Variants in EIF4G1 observed in about 807,000 individuals in gnomAD.
The protein encoded by EIF4G1 is eukaryotic translation initiation factor 4 gamma 1.
In EIF4G1, 4 loss-of-function variants were observed where a neutral mutation model predicts 187.8. The ratio of observed to expected loss-of-function variants is 0.02; its 90% CI spans 0.01 to 0.05. EIF4G1 has a LOEUF of 0.05. Ranked by LOEUF, EIF4G1 falls within the 10% of genes least tolerant of loss-of-function variation. EIF4G1 has a pLI of 1.00. For synonymous variants in EIF4G1, 844 were observed against 781.4 expected (o/e 1.08, Z -1.34); for missense variants, 1,647 against 2,081.1 (o/e 0.79, Z 4.06).
chr3:184,326,568 A>C lies in EIF4G1; in HGVS notation c.3264A>C (p.Gly1088=), dbSNP rs35656086. 7 of 1,613,208 alleles carry C rather than the reference A, an allele frequency of 4.3e-6. No individual in the cohort carries two copies. The African/African-American group carries it at 9.4e-5, about 22-fold the overall frequency. The change falls in exon 22 of 33, where the codon GGA becomes GGC. Residue 1088 remains glycine, a synonymous_variant. Transcript: ENST00000346169. Reference sequence around the variant, plus strand: ...CTAACAACCAGCTCTTTGCACCTGGAGGGCGACTGAGCTGGGGCAAGGGCA... The same window carrying C: ...CTAACAACCAGCTCTTTGCACCTGGCGGGCGACTGAGCTGGGGCAAGGGCA... ...IDSNNQLFAP[G]GRLSWGKGSS...
In EIF4G1 at chr3:184,335,031, A is replaced by G; in HGVS notation, c.*123A>G. The G allele has an allele frequency of 7.3e-7, 1 of 1,361,474 alleles. No individual in the cohort carries two copies. The highest frequency in any genetic ancestry group is 2.0e-5 in the Admixed American group (1 of 49,898). 84.3% of individuals were successfully genotyped at this position (1,361,474 alleles called of 1,614,324 possible). A position where few individuals can be genotyped will look rare whatever the true frequency, so the allele number is the denominator to read the frequency against. On this transcript the variant is annotated 3_prime_UTR_variant, in exon 33 of 33. Coordinates refer to ENST00000346169, the MANE Select transcript of EIF4G1 (RefSeq NM_198241.3). The stretch of plus-strand genomic sequence containing the variant: ...GGGTGCCTGTAGTGTGATGTGTCTG[A>G]ACTAATAAAGTGGCTGAAGAGGCAG...
intron 7 of EIF4G1, 40 bp from the exon 8 acceptor site, chr3:184,320,590 C>G (rs1193095189): frequency 6.2e-7 from 1 of 1,613,886 alleles, no homozygotes. Flanking sequence ...GAGGTGGGCT[C>G]TTCCTGCTTC....
At position 184,317,476 on chromosome 3, in the gene EIF4G1, G is replaced by A. The variant is rs1722994538; in HGVS notation, c.303G>A (p.Gly101=). 2.5e-6 allele frequency: 4 copies of A among 1,613,836 alleles called. No homozygotes were observed. Among genetic ancestry groups the A allele is most frequent in the Non-Finnish European group, 3.4e-6 (4 of 1,180,004 alleles). Residue 101 remains glycine, a synonymous_variant, in exon 5 of 33, where the codon GGG becomes GGA. Coordinates refer to ENST00000346169, the MANE Select transcript of EIF4G1 (RefSeq NM_198241.3). ...AGATCTCCTACCCAGCCTCCCAGGG[G>A]GCCTACTACATCCCTGGACAGGTGA... ...PSQISYPASQ[G]AYYIPGQGRS...
chr3:184,321,068 A>T, intron 9 of EIF4G1, 75 bp downstream of exon 9: 1 of 1,562,810 alleles, frequency 6.4e-7, no homozygotes, highest in Non-Finnish European at 8.7e-7. Flanking sequence ...TGGTGGAGTG[A>T]CTTGAACTGG....
At chr3:184,332,601 C>T (rs954566614) in intron 32 of EIF4G1, among the ~76,000 whole-genome samples, 2 of 151,846 alleles carry the variant, frequency 1.3e-5, no homozygotes, top group African/African-American at 4.8e-5. Context: ...GGAGTTAGTA[C>T]TGGCGTGAGC....
chr3:184,329,502 G>A lies in EIF4G1; in HGVS notation c.4161+512G>A, dbSNP rs1246169014. Among the ~76,000 whole-genome samples, 5 of 152,126 alleles carry A rather than the reference G, an allele frequency of 3.3e-5. No individual in the cohort carries two copies. The South Asian group carries it at 6.2e-4, about 19-fold the overall frequency. ...AAAAATTAGCCGTGTTGTGGCAGGT[G>A]CCTGTAATTCCACCTACTCAGGAGG... On this transcript the variant is annotated intron_variant, in intron 28 of 32. Coordinates refer to ENST00000346169, the MANE Select transcript of EIF4G1 (RefSeq NM_198241.3).
rs758322346 is a variant in EIF4G1 at position 184,331,275 on chromosome 3, A to C, written c.4171A>C (p.Lys1391Gln). The C allele has an allele frequency of 1.2e-6, 2 of 1,614,034 alleles. No individual in the cohort carries two copies. The highest frequency in any genetic ancestry group is 2.7e-5 in the African/African-American group (2 of 74,904). ...GTCTTGTGTTTTCCAGGGTCCTAAA[A>C]AGGTGGGGACGCTGTGGCGAGAAGC... ...GLLCKSMGPK[K>Q]VGTLWREAGL... is the part of the protein sequence containing the mutation. The change falls in exon 29 of 33, where the codon AAG (lysine) becomes CAG (glutamine). Residue 1391 changes from lysine to glutamine, a missense_variant. Physicochemically the swap from Lys to Gln is moderately conservative, Grantham distance 53 (BLOSUM62 1). Around this residue, in one of 11 missense-constraint regions of EIF4G1, gnomAD observed 543 missense variants for 638.0 expected, o/e 0.85. Coordinates refer to ENST00000346169, the MANE Select transcript of EIF4G1 (RefSeq NM_198241.3).
chr3:184,324,691 C>T (rs1307202106), intron 17 of EIF4G1, among the ~76,000 whole-genome samples, 187 bp from the exon 18 acceptor site: 2 of 152,210 alleles, frequency 1.3e-5, no homozygotes, highest in African/African-American at 4.8e-5. Context: ...CAAACTCCTC[C>T]TGACCTCAAG....
Position 184,325,796 on chromosome 3 carries a change from G to T in EIF4G1, c.3122-55G>T, listed in dbSNP as rs377248755. 6.4e-5 allele frequency: 103 copies of T among 1,612,530 alleles called. No homozygotes were observed. Among genetic ancestry groups the T allele is most frequent in the Non-Finnish European group, 8.2e-5 (97 of 1,178,662 alleles). On this transcript the variant is annotated intron_variant, in intron 20 of 32. Transcript: ENST00000346169. The surrounding 1 kb of genome is among the most constrained non-coding windows in gnomAD (Gnocchi z 5.2). ...AGGGAGGCTGGGGGTGGCCCAAGGG[G>T]AAGGGGCTGCTAGGATTTATTCATT...
intron 4 of EIF4G1, chr3:184,316,822 C>A: frequency 7.2e-7 from 1 of 1,395,160 alleles, no homozygotes; most frequent in Non-Finnish European, 9.9e-7. Flanking sequence ...GAATGGGGAT[C>A]TTCAGGGTAG....
At chr3:184,316,348 T>TC in intron 4 of EIF4G1, 130 bp downstream of exon 4, 1 of 1,221,930 alleles carries the variant, frequency 8.2e-7, no homozygotes, top group Middle Eastern at 2.8e-4. Flanking sequence ...TTCATGCGGC[T>TC]CTGCGCCTTG....
chr3:184,320,237 A>C (rs1260953910), intron 7 of EIF4G1: 2 of 1,209,142 alleles, frequency 1.7e-6, no homozygotes, highest in Middle Eastern at 3.6e-4. Flanking sequence ...CCGCTGAGTC[A>C]CCCTGGCTCC....
In EIF4G1 at chr3:184,321,514, A is replaced by G. The variant is rs751447583; in HGVS notation, c.930A>G (p.Pro310=). ...STPISRETGE[P]YRLSPEPTPL... Reference sequence around the variant, plus strand: ...CCATCTCCCGTGAAACTGGGGAGCCATATCGCCTCTCTCCAGAACCCACTC... The same window carrying G: ...CCATCTCCCGTGAAACTGGGGAGCCGTATCGCCTCTCTCCAGAACCCACTC... Residue 310 remains proline (P), a synonymous_variant, in exon 10 of 33, where the codon CCA becomes CCG. Transcript: ENST00000346169. The G allele has an allele frequency of 1.5e-5, 25 of 1,614,062 alleles. No homozygotes were observed. The highest frequency in any genetic ancestry group is 1.9e-5 in the Non-Finnish European group (23 of 1,180,046).
At chr3:184,321,018 T>C in intron 9 of EIF4G1, 25 bp downstream of exon 9, 1 of 1,611,652 alleles carries the variant, frequency 6.2e-7, no homozygotes, top group South Asian at 1.1e-5. Flanking sequence ...GGGACGGAGC[T>C]TTTATGGGGA....
chr3:184,317,874 C>A, intron 6 of EIF4G1, 58 bp downstream of exon 6: 1 of 1,292,378 alleles, frequency 7.7e-7, no homozygotes, highest in Non-Finnish European at 1.1e-6. Flanking sequence ...CTAAACTCAT[C>A]TGCTGATTTC....
At chr3:184,328,598 C>G in intron 26 of EIF4G1, 33 bp from the exon 27 acceptor site, 2 of 1,614,052 alleles carry the variant, frequency 1.2e-6, no homozygotes, top group Non-Finnish European at 1.7e-6. Context: ...GGGACCTGGC[C>G]TAGAATGTCT....
At chr3:184,322,789 A>C in intron 12 of EIF4G1, 32 bp from the exon 13 acceptor site, 1 of 1,614,260 alleles carries the variant, frequency 6.2e-7, no homozygotes, top group Non-Finnish European at 8.5e-7. Flanking sequence ...CAGAGGAGGC[A>C]GTATGATTGC....
At chr3:184,328,326 G>C (rs1161996396) in intron 26 of EIF4G1, 1 of 485,968 alleles carries the variant, frequency 2.1e-6, no homozygotes, top group Non-Finnish European at 3.7e-6. Context: ...GGGAGGTGGA[G>C]GTTGCAGTGA....
chr3:184,330,383 T>TA (rs1307851644), intron 28 of EIF4G1, among the ~76,000 whole-genome samples: 7 of 151,618 alleles, frequency 4.6e-5, no homozygotes, highest in African/African-American at 1.7e-4. Flanking sequence ...TGTCTCAAAA[T>TA]AAAAAAAGAT....
Sources: gnomAD v4.1 joint callset for allele counts (sites outside exome capture counted in the v4.1 genomes callset) on GRCh38, gnomAD v4.1.1 for gene constraint, gnomAD v4.1.1 regional missense constraint, Gnocchi (gnomAD v3.1) non-coding constraint, MANE v1.5 for transcripts, NCBI Gene and HGNC (gene_info 2026-07-23, HGNC 2026-07-21) for gene names.